Variants in ATG10 observed in about 807,000 individuals in gnomAD.
The protein encoded by ATG10 is autophagy related 10.
ATG10 carries 30 observed loss-of-function variants against 32.1 expected under a neutral mutation model. The ratio of observed to expected loss-of-function variants is 0.94; its 90% CI spans 0.70 to 1.27. The LOEUF (loss-of-function observed/expected upper bound fraction) is 1.27, where lower values mean the gene tolerates loss of function less well. ATG10 is among the 50% of genes most tolerant of loss of function. The probability of loss-of-function intolerance (pLI) is 0.00; values close to 1 mark genes in which losing one functional copy is unlikely to be tolerated. For missense variants in ATG10, 233 were observed against 262.3 expected (o/e 0.89, Z 0.77); for synonymous variants, 87 against 91.5 (o/e 0.95, Z 0.28).
intron 1 of ATG10, among the ~76,000 whole-genome samples, chr5:81,974,325 G>C (rs1760810940): frequency 6.6e-6 from 1 of 152,176 alleles, no homozygotes; most frequent in African/African-American, 2.4e-5. Flanking sequence ...TGGAGAATAG[G>C]AGAATAAGCT....
At chr5:82,103,981 C>G (rs143596802) in intron 3 of ATG10, among the ~76,000 whole-genome samples, 1,537 of 152,256 alleles carry the variant, frequency 0.01, 12 homozygotes, top group Admixed American at 0.016. Context: ...TGTCTGTCTT[C>G]TTTTGTTTGT....
intron 1 of ATG10, among the ~76,000 whole-genome samples, chr5:81,987,162 G>A (rs1237269741): frequency 3.9e-5 from 6 of 152,000 alleles, no homozygotes; most frequent in Admixed American, 6.6e-5. Flanking sequence ...TCACTCTGTC[G>A]CCCAGGCTGG....
chr5:82,127,545 A>T (rs952084996), intron 3 of ATG10, among the ~76,000 whole-genome samples: 8 of 152,154 alleles, frequency 5.3e-5, no homozygotes, highest in African/African-American at 1.9e-4. Flanking sequence ...TTATTTGCCC[A>T]GTGGTCATTC....
At chr5:82,220,161 C>T (rs1002944823) in intron 5 of ATG10, among the ~76,000 whole-genome samples, 2 of 152,166 alleles carry the variant, frequency 1.3e-5, no homozygotes, top group African/African-American at 2.4e-5. Context: ...GCAGTGCGTG[C>T]AGGGTCACAA....
At chr5:82,063,952 AC>A (rs5869104) in intron 3 of ATG10, among the ~76,000 whole-genome samples, 28,660 of 152,156 alleles carry the variant, frequency 0.19, 3,097 homozygotes, top group Middle Eastern at 0.28. Flanking sequence ...TGTGTAACAA[AC>A]CTGAACATGT....
intron 3 of ATG10, among the ~76,000 whole-genome samples, chr5:82,107,202 T>C (rs181836420): frequency 6.6e-6 from 1 of 152,254 alleles, no homozygotes; most frequent in Admixed American, 6.6e-5. Context: ...AAATTAAAAC[T>C]GTTTATACAT....
At chr5:82,195,204 C>T (rs1488839400) in intron 5 of ATG10, among the ~76,000 whole-genome samples, 1 of 152,114 alleles carries the variant, frequency 6.6e-6, no homozygotes, top group Non-Finnish European at 1.5e-5. Context: ...ATATTGGTTC[C>T]CTATGTTACT....
At chr5:81,984,830 CA>C (rs1161063270) in intron 1 of ATG10, among the ~76,000 whole-genome samples, 1 of 151,866 alleles carries the variant, frequency 6.6e-6, no homozygotes, top group Non-Finnish European at 1.5e-5. Flanking sequence ...CTTGCTTGAT[CA>C]AAAAAACAAT....
At chr5:81,991,497 C>G (rs1392599015) in intron 2 of ATG10, among the ~76,000 whole-genome samples, 1 of 152,126 alleles carries the variant, frequency 6.6e-6, no homozygotes, top group East Asian at 1.9e-4. Flanking sequence ...CCAATGCCTC[C>G]CTCTGCCCCT....
chr5:82,241,420 A>G (rs1746797558), intron 5 of ATG10, among the ~76,000 whole-genome samples: 3 of 152,174 alleles, frequency 2.0e-5, no homozygotes, highest in Non-Finnish European at 2.9e-5. Flanking sequence ...GAATCTTCCA[A>G]ACTCTCCCCA....
chr5:82,053,760 T>C (rs764418358), intron 2 of ATG10, among the ~76,000 whole-genome samples: 2 of 152,142 alleles, frequency 1.3e-5, no homozygotes, highest in Admixed American at 6.6e-5. Flanking sequence ...TTGTGGTGAA[T>C]GGACAGCAAG....
intron 1 of ATG10, among the ~76,000 whole-genome samples, chr5:81,983,992 G>A (rs1207324448): frequency 2.0e-5 from 3 of 151,608 alleles, no homozygotes; most frequent in African/African-American, 7.3e-5. Flanking sequence ...GATGGCGGCC[G>A]GGCAGAGACG....
chr5:82,154,003 A>G (rs1005608566), intron 3 of ATG10, among the ~76,000 whole-genome samples: 1 of 151,424 alleles, frequency 6.6e-6, no homozygotes, highest in Non-Finnish European at 1.5e-5. Flanking sequence ...GGCTCAAGCA[A>G]TCCTCCTGCC....
chr5:82,191,096 G>T (rs990183856), intron 5 of ATG10, among the ~76,000 whole-genome samples: 4 of 152,188 alleles, frequency 2.6e-5, no homozygotes, highest in African/African-American at 7.2e-5. Flanking sequence ...ATTTCTCAAA[G>T]TGCTCACTGA....
chr5:81,979,515 G>C (rs549032731), intron 1 of ATG10, among the ~76,000 whole-genome samples: 1 of 151,942 alleles, frequency 6.6e-6, no homozygotes, highest in Non-Finnish European at 1.5e-5. Context: ...GCAACAGAGC[G>C]ACACTCCGTC....
At chr5:82,070,548 A>G (rs777178950) in intron 3 of ATG10, among the ~76,000 whole-genome samples, 3 of 152,118 alleles carry the variant, frequency 2.0e-5, no homozygotes, top group Non-Finnish European at 4.4e-5. Context: ...TTTCAACTGT[A>G]TTTATGCTTC....
chr5:82,095,973 G>A (rs1435633563), intron 3 of ATG10, among the ~76,000 whole-genome samples: 1 of 152,128 alleles, frequency 6.6e-6, no homozygotes, highest in African/African-American at 2.4e-5. Context: ...GTCCAGCTCT[G>A]GAGACTTCAC....
At chr5:82,045,825 A>T (rs2149733545) in intron 2 of ATG10, among the ~76,000 whole-genome samples, 1 of 151,840 alleles carries the variant, frequency 6.6e-6, no homozygotes, top group East Asian at 1.9e-4. Flanking sequence ...TAACTATGTG[A>T]GTTTGCCGTG....
At chr5:82,015,298 A>G (rs1156945865) in intron 2 of ATG10, among the ~76,000 whole-genome samples, 1 of 152,062 alleles carries the variant, frequency 6.6e-6, no homozygotes, top group Non-Finnish European at 1.5e-5. Context: ...TCTGACAATG[A>G]TGTGTTGTGG....
Sources: allele counts gnomAD v4.1 joint callset (sites outside exome capture counted in the v4.1 genomes callset), GRCh38; gene constraint gnomAD v4.1.1; transcripts MANE v1.5; gene names NCBI Gene and HGNC (gene_info 2026-07-23, HGNC 2026-07-21).